Variants in CMKLR1 observed in about 807,000 individuals in gnomAD.
CMKLR1 encodes the protein chemerin-like receptor 1.
A neutral mutation model predicts 8.2 loss-of-function variants in CMKLR1; 6 were observed. The observed-to-expected ratio is 0.73, with a 90% confidence interval of 0.40 to 1.44. CMKLR1 has a LOEUF of 1.44. CMKLR1 is among the 40% of genes most tolerant of loss of function. CMKLR1 has a pLI of 0.02. For synonymous variants in CMKLR1, 178 were observed against 181.2 expected, an observed-to-expected ratio of 0.98 and a Z score of 0.14; for missense variants, 429 against 478.0, an observed-to-expected ratio of 0.90 and a Z score of 0.96.
rs1454645803 is a variant in CMKLR1 at position 108,290,896 on chromosome 12, C to G, written c.*945G>C. 1 of 152,238 alleles carries G rather than the reference C, an allele frequency of 6.6e-6. No homozygotes were observed. Among genetic ancestry groups the G allele is most frequent in the Non-Finnish European group, 1.5e-5 (1 of 68,058 alleles). 9.4% of individuals were successfully genotyped at this position (152,238 alleles called of 1,614,324 possible). ...GGAAATTAACCAGAATGAGAAGCCCCACCACCAGTGTTTTATTCTAAGCAC... is the reference window on the plus strand; with the variant it reads ...GGAAATTAACCAGAATGAGAAGCCCGACCACCAGTGTTTTATTCTAAGCAC... On this transcript the variant is annotated 3_prime_UTR_variant, in exon 4 of 4. Coordinates refer to ENST00000550402, the MANE Select transcript of CMKLR1 (RefSeq NM_001142343.2).
intron 2 of CMKLR1, among the ~76,000 whole-genome samples, chr12:108,314,939 T>TTTG (rs1408989899): frequency 4.0e-5 from 6 of 149,418 alleles, no homozygotes; most frequent in African/African-American, 1.5e-4. Context: ...GCCTTGTTTT[T>TTTG]TTTTTTTTTT....
chr12:108,332,284 G>A (rs1318546741), intron 1 of CMKLR1, among the ~76,000 whole-genome samples: 1 of 152,244 alleles, frequency 6.6e-6, no homozygotes, highest in African/African-American at 2.4e-5. Context: ...GGTGGCTCAT[G>A]CCTGCAATCC....
Position 108,292,857 on chromosome 12 carries a change from C to T in CMKLR1, c.106G>A (p.Ala36Thr), listed in dbSNP as rs1480380452. The T allele has an allele frequency of 2.5e-6, 4 of 1,614,008 alleles. No individual in the cohort carries two copies. The Admixed American group carries it at 6.7e-5, about 27-fold the overall frequency. ...ACCAGGAAGATCCTGGTCACCCTGG[C>T]TTCCAAGGGGGATAAGTCCTCCAAA... is the stretch of plus-strand genomic sequence containing the variant. The part of the protein sequence containing the change: ...VVLEDLSPLE[A>T]RVTRIFLVVV... The change falls in exon 4 of 4, where the codon GCC (alanine) becomes ACC (threonine). Residue 36 changes from alanine to threonine, a missense_variant. Ala to Thr is a moderately conservative substitution (Grantham distance 58, BLOSUM62 0). Coordinates refer to ENST00000550402, the MANE Select transcript of CMKLR1 (RefSeq NM_001142343.2).
intron 1 of CMKLR1, among the ~76,000 whole-genome samples, chr12:108,333,852 G>A (rs1566031802): frequency 6.6e-6 from 1 of 152,254 alleles, no homozygotes; most frequent in Non-Finnish European, 1.5e-5. Flanking sequence ...ATTCATACCT[G>A]TGTCCATTGC....
intron 1 of CMKLR1, among the ~76,000 whole-genome samples, chr12:108,337,026 G>A (rs1029808766): frequency 6.6e-6 from 1 of 152,174 alleles, no homozygotes; most frequent in African/African-American, 2.4e-5. Flanking sequence ...CAGGTGGCAG[G>A]CCAATTCAAG....
intron 1 of CMKLR1, among the ~76,000 whole-genome samples, chr12:108,337,135 G>C (rs983021117): frequency 6.6e-6 from 1 of 152,210 alleles, no homozygotes; most frequent in African/African-American, 2.4e-5. Flanking sequence ...TAAGACCAAG[G>C]TGCCCCTTCT....
In CMKLR1 at chr12:108,293,669, A is replaced by G. The variant is rs1891053698; in HGVS notation, c.-73-5T>C. ...CCTGTACACAGCTAGAAACACCTGT[A>G]GGGAAAAAAAAAAAAAAAAAAGCAG... On this transcript the variant is annotated splice_region_variant and splice_polypyrimidine_tract_variant and intron_variant, in intron 2 of 3. Coordinates refer to ENST00000550402, the MANE Select transcript of CMKLR1 (RefSeq NM_001142343.2). 3 of 889,706 alleles carry G rather than the reference A, an allele frequency of 3.4e-6. No individual in the cohort carries two copies. Among genetic ancestry groups the G allele is most frequent in the Non-Finnish European group, 5.0e-6 (3 of 601,912 alleles). The allele number at this position is 889,706 out of a possible 1,614,324, so 55.1% of individuals were successfully genotyped here.
chr12:108,310,767 A>G (rs1015155641), intron 2 of CMKLR1, among the ~76,000 whole-genome samples: 3 of 152,064 alleles, frequency 2.0e-5, no homozygotes, highest in Non-Finnish European at 4.4e-5. Flanking sequence ...TGCCACAGAT[A>G]AGCTATGGTT....
intron 2 of CMKLR1, among the ~76,000 whole-genome samples, chr12:108,305,310 C>T (rs1039921468): frequency 6.6e-6 from 1 of 152,164 alleles, no homozygotes; most frequent in South Asian, 2.1e-4. Context: ...AGTCCAGATT[C>T]ACACAGCCTT....
In CMKLR1 at chr12:108,322,356, G is replaced by A. The variant is rs115640205; in HGVS notation, c.-74+7639C>T. 4.7e-3 allele frequency among the ~76,000 whole-genome samples: 722 copies of A among 152,150 alleles called. 2 individuals are homozygous for A. The highest frequency in any genetic ancestry group is 0.016 in the African/African-American group (671 of 41,432). ...GGAGACACTGGGGTCCATATGTTCCGGCTGAAACTCTACCTCTGCTCCACA... is the reference window on the plus strand; with the variant it reads ...GGAGACACTGGGGTCCATATGTTCCAGCTGAAACTCTACCTCTGCTCCACA... On this transcript the variant is annotated intron_variant, in intron 2 of 3. Coordinates refer to ENST00000550402, the MANE Select transcript of CMKLR1 (RefSeq NM_001142343.2).
At chr12:108,307,483 C>G (rs980976902) in intron 2 of CMKLR1, among the ~76,000 whole-genome samples, 3 of 152,236 alleles carry the variant, frequency 2.0e-5, no homozygotes, top group African/African-American at 7.2e-5. Flanking sequence ...AAGAAACTTA[C>G]CCAGCCACAG....
intron 1 of CMKLR1, among the ~76,000 whole-genome samples, chr12:108,331,918 A>G (rs1892118044): frequency 6.6e-6 from 1 of 152,208 alleles, no homozygotes; most frequent in African/African-American, 2.4e-5. Flanking sequence ...AGAACTAATA[A>G]GATAATAAGT....
intron 2 of CMKLR1, among the ~76,000 whole-genome samples, chr12:108,319,300 G>A (rs989440792): frequency 1.3e-5 from 2 of 152,076 alleles, no homozygotes; most frequent in African/African-American, 4.8e-5. Context: ...CAACAACATT[G>A]AGGACCACCC....
intron 2 of CMKLR1, among the ~76,000 whole-genome samples, chr12:108,311,803 CT>C (rs1416012111): frequency 6.6e-6 from 1 of 152,186 alleles, no homozygotes; most frequent in Non-Finnish European, 1.5e-5. Context: ...CAGGACAGGG[CT>C]GCAGGACTCA....
intron 2 of CMKLR1, among the ~76,000 whole-genome samples, chr12:108,311,812 T>G (rs1891585798): frequency 6.6e-6 from 1 of 152,100 alleles, no homozygotes; most frequent in Non-Finnish European, 1.5e-5. Context: ...GCTGCAGGAC[T>G]CATGGGAAGC....
At chr12:108,336,599 G>A (rs761450905) in intron 1 of CMKLR1, among the ~76,000 whole-genome samples, 1 of 152,044 alleles carries the variant, frequency 6.6e-6, no homozygotes, top group Non-Finnish European at 1.5e-5. Flanking sequence ...AGGTGGTCTA[G>A]AGATTGCACT....
At chr12:108,308,002 G>T (rs993540721) in intron 2 of CMKLR1, among the ~76,000 whole-genome samples, 1 of 152,232 alleles carries the variant, frequency 6.6e-6, no homozygotes, top group Non-Finnish European at 1.5e-5. Flanking sequence ...AGAAAACTGA[G>T]ATTCAGATTC....
chr12:108,315,024 A>T (rs1593171210), intron 2 of CMKLR1, among the ~76,000 whole-genome samples: 2 of 138,092 alleles, frequency 1.4e-5, no homozygotes, highest in East Asian at 4.2e-4. Flanking sequence ...CGCAATATCC[A>T]CCTCCCAGGT....
At chr12:108,317,731 T>A (rs1891767060) in intron 2 of CMKLR1, 1 of 152,236 alleles carries the variant, frequency 6.6e-6, no homozygotes, top group South Asian at 2.1e-4. Context: ...ATAGGCTTTT[T>A]GAATTTAAAT....
Sources: allele counts gnomAD v4.1 joint callset (sites outside exome capture counted in the v4.1 genomes callset), GRCh38; gene constraint gnomAD v4.1.1; transcripts MANE v1.5; gene names NCBI Gene and HGNC (gene_info 2026-07-23, HGNC 2026-07-21).